The following GNG2 variants were observed in gnomAD, a reference collection of about 807,000 sequenced individuals.
GNG2 encodes the protein guanine nucleotide-binding protein G(I)/G(S)/G(O) subunit gamma-2.
In GNG2, 5 loss-of-function variants were observed where a neutral mutation model predicts 5.5. The observed-to-expected ratio is 0.91, with a 90% CI of 0.48 to 1.92. The LOEUF is 1.92. GNG2 is among the 30% of genes most tolerant of loss of function. The probability of loss-of-function intolerance (pLI) is 0.01; values close to 1 mark genes in which losing one functional copy is unlikely to be tolerated. For synonymous variants in GNG2, 28 were observed against 32.0 expected, an observed-to-expected ratio of 0.88 and a Z score of 0.42; for missense variants, 55 against 88.4, an observed-to-expected ratio of 0.62 and a Z score of 1.52.
intron 2 of GNG2, among the ~76,000 whole-genome samples, chr14:51,892,565 G>A (rs931477727): frequency 6.6e-6 from 1 of 152,088 alleles, no homozygotes; most frequent in Non-Finnish European, 1.5e-5. Flanking sequence ...TACTCCCAAA[G>A]TGCCAGGATT....
chr14:51,966,828 A>C lies in GNG2; in HGVS notation c.*141A>C, dbSNP rs1889946233. On this transcript the variant is annotated 3_prime_UTR_variant, in exon 4 of 4. Coordinates refer to ENST00000556766, the MANE Select transcript of GNG2 (RefSeq NM_053064.5). ...TGGAAACTCTAGGCTATGCATGTTTAAAGATCTGGTCCCCTTTATGAGAAT... is the reference window on the plus strand; with the variant it reads ...TGGAAACTCTAGGCTATGCATGTTTCAAGATCTGGTCCCCTTTATGAGAAT... 1.5e-6 allele frequency: 1 copy of C among 676,448 alleles called. No homozygotes were observed. The highest frequency in any genetic ancestry group is 2.5e-6 in the Non-Finnish European group (1 of 393,504). 41.9% of individuals were successfully genotyped at this position (676,448 alleles called of 1,614,324 possible).
chr14:51,875,539 A>G (rs544438099), intron 1 of GNG2, among the ~76,000 whole-genome samples: 1 of 152,266 alleles, frequency 6.6e-6, no homozygotes, highest in African/African-American at 2.4e-5. Context: ...GAACAGAGGA[A>G]ATATATTGTT....
At chr14:51,884,977 G>A (rs780614803) in intron 2 of GNG2, among the ~76,000 whole-genome samples, 8 of 152,178 alleles carry the variant, frequency 5.3e-5, no homozygotes, top group African/African-American at 1.7e-4. Flanking sequence ...AAGAATCATG[G>A]AAAGCTGTGT....
intron 2 of GNG2, among the ~76,000 whole-genome samples, chr14:51,900,790 C>T (rs1013482332): frequency 2.0e-5 from 3 of 151,802 alleles, no homozygotes; most frequent in Non-Finnish European, 4.4e-5. Flanking sequence ...ATCTATTGGT[C>T]GTCTAATTGC....
intron 2 of GNG2, chr14:51,877,950 T>C (rs1883784695): frequency 4.4e-6 from 1 of 229,840 alleles, no homozygotes; most frequent in Non-Finnish European, 8.8e-6. Flanking sequence ...GGCACAAACA[T>C]GATTAATAGG....
At chr14:51,873,262 G>A (rs1332303934) in intron 1 of GNG2, among the ~76,000 whole-genome samples, 1 of 152,188 alleles carries the variant, frequency 6.6e-6, no homozygotes, top group East Asian at 1.9e-4. Context: ...AGAAACCTGT[G>A]TGTCTGGGGC....
intron 2 of GNG2, among the ~76,000 whole-genome samples, chr14:51,907,651 T>C (rs1886016661): frequency 6.6e-6 from 1 of 152,232 alleles, no homozygotes. Flanking sequence ...AACAATTTGA[T>C]TGGGTCAGAT....
Position 51,948,954 on chromosome 14 carries a change from TA to T in GNG2, c.-29-1695del, listed in dbSNP as rs1056381876. 2.5e-4 allele frequency among the ~76,000 whole-genome samples: 38 copies of T among 152,170 alleles called. No homozygotes were observed. In the Middle Eastern group the frequency reaches 0.014, roughly 54 times the overall value. The stretch of plus-strand genomic sequence containing the variant: ...GGCTAACATGGTGAAACCCCGTCTC[TA>T]TTAAAAATACAAAAAATTAGCCAGG... On this transcript the variant is annotated intron_variant, in intron 2 of 3. Transcript: ENST00000556766.
intron 2 of GNG2, among the ~76,000 whole-genome samples, chr14:51,948,011 G>A (rs558791399): frequency 6.6e-6 from 1 of 152,342 alleles, no homozygotes; most frequent in African/African-American, 2.4e-5. Flanking sequence ...TCACCCTAGT[G>A]TAGCAGTCAT....
intron 1 of GNG2, among the ~76,000 whole-genome samples, chr14:51,877,296 A>G (rs922943841): frequency 6.6e-6 from 1 of 152,202 alleles, no homozygotes; most frequent in Non-Finnish European, 1.5e-5. Flanking sequence ...CCATCGGTAT[A>G]CAGCCTCTCC....
intron 3 of GNG2, chr14:51,951,988 C>G: frequency 1.5e-6 from 1 of 666,160 alleles, no homozygotes. Context: ...GAACCACACC[C>G]AAACCAATTA....
intron 2 of GNG2, chr14:51,841,696 C>T: frequency 6.7e-6 from 4 of 600,988 alleles, no homozygotes; most frequent in Non-Finnish European, 1.2e-5. Flanking sequence ...TGAGAAAAAT[C>T]ACTTTGTAGG....
At chr14:51,833,556 A>G (rs962892604) in intron 2 of GNG2, among the ~76,000 whole-genome samples, 16 of 152,242 alleles carry the variant, frequency 1.1e-4, no homozygotes. Flanking sequence ...AGAAGTCCAG[A>G]TGCCTCTTCA....
intron 2 of GNG2, among the ~76,000 whole-genome samples, chr14:51,921,471 A>G (rs1887011252): frequency 6.6e-6 from 1 of 152,226 alleles, no homozygotes; most frequent in Non-Finnish European, 1.5e-5. Flanking sequence ...CATTTCCACA[A>G]TTCTTACCAA....
chr14:51,921,263 T>C (rs952441243), intron 2 of GNG2, among the ~76,000 whole-genome samples: 1 of 152,178 alleles, frequency 6.6e-6, no homozygotes, highest in Non-Finnish European at 1.5e-5. Context: ...ATGCACCGCA[T>C]AGTGTTGTGA....
At chr14:51,840,596 C>A (rs1881456791) in intron 2 of GNG2, among the ~76,000 whole-genome samples, 1 of 152,204 alleles carries the variant, frequency 6.6e-6, no homozygotes, top group African/African-American at 2.4e-5. Flanking sequence ...AGCCTTGTGC[C>A]TGGATTGTCA....
intron 2 of GNG2, chr14:51,914,289 G>A: frequency 1.4e-6 from 1 of 702,174 alleles, no homozygotes; most frequent in Admixed American, 2.0e-5. Context: ...AATGGAAAAG[G>A]ACTGCCGTCT....
chr14:51,844,088 T>A (rs8017673), intron 2 of GNG2, among the ~76,000 whole-genome samples: 129,295 of 152,240 alleles, frequency 0.85, 55,920 homozygotes, highest in Non-Finnish European at 0.94. Flanking sequence ...TACTTTGTTC[T>A]CGTGGCTGTC....
intron 2 of GNG2, among the ~76,000 whole-genome samples, chr14:51,898,970 A>T (rs1375988939): frequency 6.6e-6 from 1 of 152,208 alleles, no homozygotes; most frequent in African/African-American, 2.4e-5. Context: ...AGATGGAAAA[A>T]GTGGAAAGAA....
Sources: allele counts gnomAD v4.1 joint callset (sites outside exome capture counted in the v4.1 genomes callset), GRCh38; gene constraint gnomAD v4.1.1; transcripts MANE v1.5; gene names NCBI Gene and HGNC (gene_info 2026-07-23, HGNC 2026-07-21).